HIGD2B: variants seen among roughly 807,000 people sequenced by gnomAD.
The protein encoded by HIGD2B is HIG1 domain family member 2B.
For missense variants in HIGD2B, 106 were observed against 67.0 expected (o/e 1.58, Z -2.03); for synonymous variants, 45 against 28.1 (o/e 1.60, Z -1.90).
chr15:72,676,116 C>A lies in HIGD2B; in HGVS notation c.259G>T (p.Gly87Cys), dbSNP rs1485524905. Reference protein sequence around the residue: ...LMMHTQIAAQGFTIAAILLGL... With the variant: ...LMMHTQIAAQCFTIAAILLGL... ...AGCAAGATGGCTGCAATGGTGAAGC[C>A]CTGGGCGGCGATCTGGGTGTGCATC... The change falls in exon 3 of 3, where the codon GGC (glycine) becomes TGC (cysteine). Residue 87 changes from glycine to cysteine, a missense_variant. Coordinates refer to ENST00000311755, the MANE Select transcript of HIGD2B (RefSeq NM_001350932.3). 1 of 765,570 alleles carries A rather than the reference C, an allele frequency of 1.3e-6. No homozygotes were observed. Among genetic ancestry groups the A allele is most frequent in the Non-Finnish European group, 2.4e-6 (1 of 416,780 alleles). The allele number at this position is 765,570 out of a possible 1,614,324, so 47.4% of individuals were successfully genotyped here. A position where few individuals can be genotyped will look rare whatever the true frequency, so the allele number is the denominator to read the frequency against.
chr15:72,677,068 A>G (rs556853218), intron 2 of HIGD2B, among the ~76,000 whole-genome samples: 1 of 152,358 alleles, frequency 6.6e-6, no homozygotes, highest in Non-Finnish European at 1.5e-5. Flanking sequence ...ATAACTGTAG[A>G]AAGGGTATAT....
In HIGD2B at chr15:72,675,943, C is replaced by T; in HGVS notation, c.*111G>A. On this transcript the variant is annotated 3_prime_UTR_variant, in exon 3 of 3. Coordinates refer to ENST00000311755, the MANE Select transcript of HIGD2B (RefSeq NM_001350932.3). ...GTTACAGGAAGGGTCACTTCCTCCCCCAACGACACAGGGACCTCTCAAAGG... is the reference window on the plus strand; with the variant it reads ...GTTACAGGAAGGGTCACTTCCTCCCTCAACGACACAGGGACCTCTCAAAGG... 2 of 601,850 alleles carry T rather than the reference C, an allele frequency of 3.3e-6. No individual in the cohort carries two copies. Among genetic ancestry groups the T allele is most frequent in the South Asian group, 4.0e-5 (2 of 50,262 alleles). The allele number at this position is 601,850 out of a possible 1,614,324, so 37.3% of individuals were successfully genotyped here.
intron 2 of HIGD2B, among the ~76,000 whole-genome samples, chr15:72,677,184 C>T (rs572879799): frequency 1.1e-4 from 17 of 152,298 alleles, no homozygotes; most frequent in Non-Finnish European, 1.9e-4. Flanking sequence ...AATCCCAGCA[C>T]TTTGGGAGGC....
In HIGD2B at chr15:72,675,910, C is replaced by T; in HGVS notation, c.*144G>A. Reference sequence around the variant, plus strand: ...ATCTGGGATTTTTGAAAAAATCTTTCAGTTATGGTTACAGGAAGGGTCACT... The same window carrying T: ...ATCTGGGATTTTTGAAAAAATCTTTTAGTTATGGTTACAGGAAGGGTCACT... On this transcript the variant is annotated 3_prime_UTR_variant, in exon 3 of 3. Transcript: ENST00000311755. The T allele has an allele frequency of 1.7e-6, 1 of 576,924 alleles. No homozygotes were observed. The highest frequency in any genetic ancestry group is 3.1e-6 in the Non-Finnish European group (1 of 324,294). The allele number at this position is 576,924 out of a possible 1,614,324, so 35.7% of individuals were successfully genotyped here.
At chr15:72,682,406 T>A in intron 1 of HIGD2B, 1 of 216,582 alleles carries the variant, frequency 4.6e-6, no homozygotes, top group Non-Finnish European at 9.8e-6. Flanking sequence ...TTATACCTTA[T>A]TAAAACTTCA....
Position 72,685,185 on chromosome 15 carries a change from T to C in HIGD2B, c.-193+633A>G, listed in dbSNP as rs573713985. Reference sequence around the variant, plus strand: ...TAGATTACCGTACTTGTTTCTTCTATGTAACTCTAATTGTCAGTGGGGTTC... The same window carrying C: ...TAGATTACCGTACTTGTTTCTTCTACGTAACTCTAATTGTCAGTGGGGTTC... On this transcript the variant is annotated intron_variant, in intron 1 of 2. Transcript: ENST00000311755. Among the ~76,000 whole-genome samples the C allele has an allele frequency of 9.8e-5, 15 of 152,334 alleles. No homozygotes were observed. In the South Asian group the frequency reaches 2.7e-3, roughly 27 times the overall value.
intron 2 of HIGD2B, among the ~76,000 whole-genome samples, chr15:72,679,513 T>C (rs1163393300): frequency 6.6e-6 from 1 of 152,156 alleles, no homozygotes; most frequent in Non-Finnish European, 1.5e-5. Context: ...GGTTTTGTGA[T>C]AGGATTTGGG....
rs539554658 is a variant in HIGD2B, at chr15:72,676,188, C to T, written c.187G>A (p.Gly63Ser). ...TTGCCCTGGTGGAAGCAGTAGAGGC[C>T]GTTGGTGAGGACGGCCGCCGTGCAC... The part of the protein sequence containing the change: ...FLCTAAVLTN[G>S]LYCFHQGNSQ... Residue 63 changes from glycine (G) to serine (S), a missense_variant, in exon 3 of 3, where the codon GGC becomes AGC. Transcript: ENST00000311755. 4.1e-5 allele frequency: 31 copies of T among 763,460 alleles called. No homozygotes were observed. Among genetic ancestry groups the T allele is most frequent in the Admixed American group, 1.7e-4 (10 of 58,448 alleles). 47.3% of individuals were successfully genotyped at this position (763,460 alleles called of 1,614,324 possible).
intron 2 of HIGD2B, 147 bp from the exon 3 acceptor site, chr15:72,676,534 C>T (rs951221567): frequency 2.2e-5 from 13 of 587,586 alleles, no homozygotes; most frequent in African/African-American, 5.6e-5. Flanking sequence ...CTTCAGCCTT[C>T]CAAGTAGCTG....
intron 1 of HIGD2B, among the ~76,000 whole-genome samples, chr15:72,683,790 G>A (rs561619649): frequency 5.3e-5 from 8 of 152,160 alleles, no homozygotes; most frequent in African/African-American, 1.7e-4. Flanking sequence ...GCAGTGAGCC[G>A]TGATTGTCCC....
chr15:72,679,609 C>T (rs865990200), intron 2 of HIGD2B, among the ~76,000 whole-genome samples: 5 of 152,140 alleles, frequency 3.3e-5, no homozygotes, highest in Admixed American at 6.5e-5. Flanking sequence ...GCACCAGATA[C>T]CCCTCCTCAA....
At position 72,686,137 on chromosome 15, in the gene HIGD2B, C is replaced by T. The variant is rs1391444960; in HGVS notation, c.-512G>A. 7.4e-7 allele frequency: 1 copy of T among 1,359,680 alleles called. No homozygotes were observed. The highest frequency in any genetic ancestry group is 1.0e-6 in the Non-Finnish European group (1 of 981,566). The allele number at this position is 1,359,680 out of a possible 1,614,324, so 84.2% of individuals were successfully genotyped here. On this transcript the variant is annotated 5_prime_UTR_variant, in exon 1 of 3. Transcript: ENST00000311755. ...GCGATTTACTTCCTTCCCCCGCTTC[C>T]TCACAGTCCTCCACAGCCCTACGAC...
rs374945889 is a variant in HIGD2B, at chr15:72,686,178, C to A, written c.-553G>T. ...GCCCTACGACTTCCGCTTGCCTCGT[C>A]GTCTGGGAAACCGCCGACTTCCGGC... On this transcript the variant is annotated 5_prime_UTR_variant, in exon 1 of 3. Coordinates refer to ENST00000311755, the MANE Select transcript of HIGD2B (RefSeq NM_001350932.3). 5 of 1,540,338 alleles carry A rather than the reference C, an allele frequency of 3.2e-6. No homozygotes were observed. The South Asian group carries it at 3.6e-5, about 11-fold the overall frequency.
chr15:72,685,770 G>A (rs1406517143), intron 1 of HIGD2B, 48 bp downstream of exon 1: 1 of 269,510 alleles, frequency 3.7e-6, no homozygotes, highest in African/African-American at 2.2e-5. Flanking sequence ...CTGATAAGGT[G>A]AGTACCTCAG....
At chr15:72,685,738 T>G (rs996477016) in intron 1 of HIGD2B, 80 bp downstream of exon 1, 1 of 200,972 alleles carries the variant, frequency 5.0e-6, no homozygotes, top group African/African-American at 2.3e-5. Context: ...TTGCAAACTC[T>G]GGAGTAAACA....
intron 1 of HIGD2B, among the ~76,000 whole-genome samples, 155 bp downstream of exon 1, chr15:72,685,663 C>T (rs1250500485): frequency 6.6e-6 from 1 of 152,156 alleles, no homozygotes; most frequent in Non-Finnish European, 1.5e-5. Context: ...CTTGTGAAAT[C>T]TCCTAACTTT....
At position 72,675,881 on chromosome 15, in the gene HIGD2B, C is replaced by T; in HGVS notation, c.*173G>A. Reference sequence around the variant, plus strand: ...ATAGAAATATGTAACATTCAAACAACAGAATCTGGGATTTTTGAAAAAATC... The same window carrying T: ...ATAGAAATATGTAACATTCAAACAATAGAATCTGGGATTTTTGAAAAAATC... On this transcript the variant is annotated 3_prime_UTR_variant, in exon 3 of 3. Coordinates refer to ENST00000311755, the MANE Select transcript of HIGD2B (RefSeq NM_001350932.3). 5.2e-6 allele frequency: 3 copies of T among 574,426 alleles called. No homozygotes were observed. Among genetic ancestry groups the T allele is most frequent in the Non-Finnish European group, 9.3e-6 (3 of 323,042 alleles). 35.6% of individuals were successfully genotyped at this position (574,426 alleles called of 1,614,324 possible). A position where few individuals can be genotyped will look rare whatever the true frequency, so the allele number is the denominator to read the frequency against.
At chr15:72,683,897 T>G (rs1265700386) in intron 1 of HIGD2B, among the ~76,000 whole-genome samples, 1 of 39,108 alleles carries the variant, frequency 2.6e-5, no homozygotes, top group Non-Finnish European at 5.4e-5. Flanking sequence ...CATCTTTATA[T>G]CTTTTTTTTT....
intron 1 of HIGD2B, among the ~76,000 whole-genome samples, chr15:72,680,666 C>T (rs1166581677): frequency 1.3e-5 from 2 of 152,146 alleles, no homozygotes; most frequent in Non-Finnish European, 2.9e-5. Context: ...GTGGGCAGAC[C>T]ACCTGAGCTC....
Sources: allele counts gnomAD v4.1 joint callset (sites outside exome capture counted in the v4.1 genomes callset), GRCh38; gene constraint gnomAD v4.1.1; transcripts MANE v1.5; gene names NCBI Gene and HGNC (gene_info 2026-07-23, HGNC 2026-07-21).